The following HMMR variants were observed in gnomAD, a reference collection of about 807,000 sequenced individuals.
HMMR encodes the protein intracellular hyaluronic acid-binding protein.
In HMMR, 108 loss-of-function variants were observed where a neutral mutation model predicts 101.0. The ratio of observed to expected loss-of-function variants is 1.07; its 90% CI spans 0.92 to 1.25. The LOEUF (loss-of-function observed/expected upper bound fraction) is 1.25. HMMR is among the 50% of genes most tolerant of loss of function. The pLI is 0.00. For missense variants in HMMR, 813 were observed against 788.7 expected, an observed-to-expected ratio of 1.03 and a Z score of -0.37; for synonymous variants, 296 against 276.4, an observed-to-expected ratio of 1.07 and a Z score of -0.70.
chr5:163,479,067 T>C (rs1227845221), intron 12 of HMMR, among the ~76,000 whole-genome samples: 2 of 152,212 alleles, frequency 1.3e-5, no homozygotes, highest in African/African-American at 2.4e-5. Context: ...CATATGCCTG[T>C]AGTCCTAGCC....
intron 16 of HMMR, among the ~76,000 whole-genome samples, chr5:163,487,374 T>C (rs1341980881): frequency 6.6e-6 from 1 of 152,150 alleles, no homozygotes; most frequent in Non-Finnish European, 1.5e-5. Flanking sequence ...CTGTAGGTTT[T>C]CTTTGCTTTG....
intron 4 of HMMR, among the ~76,000 whole-genome samples, chr5:163,468,887 G>GT (rs1041472391): frequency 2.7e-5 from 4 of 150,636 alleles, no homozygotes; most frequent in African/African-American, 9.8e-5. Context: ...GTTTTTTTTT[G>GT]TTTTTTGTTT....
At chr5:163,484,325 A>G (rs1759393104) in intron 16 of HMMR, 80 bp downstream of exon 16, 3 of 682,292 alleles carry the variant, frequency 4.4e-6, no homozygotes, top group Non-Finnish European at 7.0e-6. Context: ...TAAAATGAAT[A>G]TCTTTGGTAT....
At chr5:163,472,738 G>A (rs1263409174) in intron 7 of HMMR, among the ~76,000 whole-genome samples, 1 of 152,100 alleles carries the variant, frequency 6.6e-6, no homozygotes, top group Non-Finnish European at 1.5e-5. Flanking sequence ...CCTTTTGCAA[G>A]GTGTCTATTG....
intron 12 of HMMR, 126 bp from the exon 13 acceptor site, chr5:163,482,516 A>T: frequency 1.5e-6 from 1 of 654,144 alleles, no homozygotes; most frequent in Non-Finnish European, 2.7e-6. Flanking sequence ...TACCTGTGTT[A>T]AATGCATGAA....
At chr5:163,466,772 T>C (rs972894279) in intron 3 of HMMR, among the ~76,000 whole-genome samples, 6 of 152,190 alleles carry the variant, frequency 3.9e-5, no homozygotes, top group African/African-American at 1.4e-4. Flanking sequence ...TTTGATATGT[T>C]GGGTTAAATA....
Position 163,475,475 on chromosome 5 carries a change from T to C in HMMR, c.1071T>C (p.Leu357=). ...LQQEKELSSS[L]HQKLCSFQEE... is the part of the protein sequence containing the mutation. ...GGATATAGGAATTATCTTCGAGTCT[T>C]CATCAGAAGCTCTGTTCTTTTCAAG... The change falls in exon 11 of 18, where the codon CTT becomes CTC. Residue 357 remains leucine, a synonymous_variant. Coordinates refer to ENST00000393915, the MANE Select transcript of HMMR (RefSeq NM_001142556.2). The C allele has an allele frequency of 6.3e-7, 1 of 1,593,572 alleles. No homozygotes were observed.
At position 163,476,655 on chromosome 5, in the gene HMMR, A is replaced by T. The variant is rs1030178424; in HGVS notation, c.1268+983A>T. The stretch of plus-strand genomic sequence containing the variant: ...AGCACAAGATGCCACCTCAATCAAT[A>T]ACTGATAAAAAGCAAATGAGAAAAA... On this transcript the variant is annotated intron_variant, in intron 11 of 17. Coordinates refer to ENST00000393915, the MANE Select transcript of HMMR (RefSeq NM_001142556.2). Among the ~76,000 whole-genome samples, 9 of 152,276 alleles carry T rather than the reference A, an allele frequency of 5.9e-5. 1 individual carries two copies. The South Asian group carries it at 1.9e-3, about 32-fold the overall frequency.
chr5:163,466,744 A>G (rs1758719854), intron 3 of HMMR, among the ~76,000 whole-genome samples: 1 of 152,204 alleles, frequency 6.6e-6, no homozygotes, highest in Non-Finnish European at 1.5e-5. Context: ...TATACCAATG[A>G]CATGCTGAAA....
chr5:163,461,644 C>T (rs1758537487), intron 1 of HMMR, among the ~76,000 whole-genome samples: 1 of 151,906 alleles, frequency 6.6e-6, no homozygotes, highest in African/African-American at 2.4e-5. Context: ...ATTAGCCAGG[C>T]GCGGTGGCGG....
At chr5:163,482,250 G>A (rs759462278) in intron 12 of HMMR, among the ~76,000 whole-genome samples, 1 of 152,100 alleles carries the variant, frequency 6.6e-6, no homozygotes, top group African/African-American at 2.4e-5. Flanking sequence ...CCGTCTGTCC[G>A]CCAGGTAAGC....
chr5:163,463,526 C>T (rs1407684574), intron 1 of HMMR, among the ~76,000 whole-genome samples: 3 of 152,128 alleles, frequency 2.0e-5, no homozygotes, highest in Non-Finnish European at 4.4e-5. Context: ...TGACTCTCTT[C>T]GAGTAGAGTT....
intron 12 of HMMR, 127 bp downstream of exon 12, chr5:163,478,927 C>A: frequency 1.7e-6 from 1 of 585,762 alleles, no homozygotes; most frequent in Non-Finnish European, 3.1e-6. Context: ...CCATAATCAC[C>A]AACCGTAAGT....
At position 163,473,202 on chromosome 5, in the gene HMMR, T is replaced by C. The variant is rs1401112673; in HGVS notation, c.674T>C (p.Ile225Thr). 6.4e-7 allele frequency: 1 copy of C among 1,560,150 alleles called. No homozygotes were observed. Among genetic ancestry groups the C allele is most frequent in the Admixed American group, 1.7e-5 (1 of 58,802 alleles). ...GKLVSIEKEK[I>T]DEKSETEKLL... is the part of the protein sequence containing the mutation. ...AGTGTTTCAATAGAGAAAGAAAAGA[T>C]TGATGAAAAATCTGAAACAGAAAAA... The change falls in exon 8 of 18, where the codon ATT becomes ACT. Residue 225 changes from isoleucine (I) to threonine (T), a missense_variant. Ile to Thr is a moderately conservative substitution (Grantham distance 89). Coordinates refer to ENST00000393915, the MANE Select transcript of HMMR (RefSeq NM_001142556.2).
In HMMR at chr5:163,491,600, G is replaced by A. The variant is rs757869688; in HGVS notation, c.*436G>A. 6.5e-6 allele frequency: 1 copy of A among 152,974 alleles called. No homozygotes were observed. Among genetic ancestry groups the A allele is most frequent in the African/African-American group, 2.4e-5 (1 of 41,566 alleles). The allele number at this position is 152,974 out of a possible 1,614,324, so 9.5% of individuals were successfully genotyped here. On this transcript the variant is annotated 3_prime_UTR_variant, in exon 18 of 18. Transcript: ENST00000393915. ...ACTTTGATTCTGATAATGCTCACTT[G>A]GTCCTACCTATTATCCTTCTACTTG...
chr5:163,464,437 G>A (rs181222105), intron 2 of HMMR, among the ~76,000 whole-genome samples: 20 of 152,228 alleles, frequency 1.3e-4, no homozygotes, highest in African/African-American at 4.8e-4. Context: ...CCAACATGGT[G>A]AAACCCCATC....
At chr5:163,461,715 G>A (rs1442733776) in intron 1 of HMMR, among the ~76,000 whole-genome samples, 1 of 151,918 alleles carries the variant, frequency 6.6e-6, no homozygotes, top group African/African-American at 2.4e-5. Context: ...CCCGGGAGGC[G>A]GAGCTTGCGA....
intron 11 of HMMR, among the ~76,000 whole-genome samples, chr5:163,475,999 G>A (rs1759059698): frequency 6.6e-6 from 1 of 151,884 alleles, no homozygotes; most frequent in Non-Finnish European, 1.5e-5. Flanking sequence ...GAAATTTATT[G>A]AACATCAGCA....
At position 163,473,282 on chromosome 5, in the gene HMMR, C is replaced by A. The variant is rs1052807589; in HGVS notation, c.725+29C>A. On this transcript the variant is annotated intron_variant, in intron 8 of 17. Transcript: ENST00000393915. ...ATATGAGCAGTAGCTTTAAATTGAA[C>A]CTTATTTTTTTAATACTCAGTCATT... The A allele has an allele frequency of 7.4e-6, 11 of 1,491,206 alleles. No homozygotes were observed. In the African/African-American group the frequency reaches 1.1e-4, roughly 15 times the overall value. 92.4% of individuals were successfully genotyped at this position (1,491,206 alleles called of 1,614,324 possible). A position where few individuals can be genotyped will look rare whatever the true frequency, so the allele number is the denominator to read the frequency against.
Sources: allele counts gnomAD v4.1 joint callset (sites outside exome capture counted in the v4.1 genomes callset), GRCh38; gene constraint gnomAD v4.1.1; transcripts MANE v1.5; gene names NCBI Gene and HGNC (gene_info 2026-07-23, HGNC 2026-07-21).